Variants in MAP3K13 observed in about 807,000 individuals in gnomAD.
MAP3K13 encodes the protein mitogen-activated protein kinase kinase kinase 13.
In MAP3K13, 52 loss-of-function variants were observed where a neutral mutation model predicts 104.0. The observed-to-expected ratio is 0.50, with a 90% CI of 0.40 to 0.63. The LOEUF (loss-of-function observed/expected upper bound fraction) is 0.63, where lower values mean the gene tolerates loss of function less well. Among genes scored for constraint, MAP3K13 ranks in the 20% least tolerant of loss-of-function variants. The pLI, the probability that MAP3K13 is intolerant of heterozygous loss-of-function variation, is 0.00. For synonymous variants in MAP3K13, 394 were observed against 442.2 expected (o/e 0.89, Z 1.37); for missense variants, 914 against 1,218.5 (o/e 0.75, Z 3.72).
chr3:185,380,954 T>G (rs1577487069), intron 1 of MAP3K13, among the ~76,000 whole-genome samples: 2 of 150,360 alleles, frequency 1.3e-5, no homozygotes, highest in Non-Finnish European at 3.0e-5. Context: ...TTTTGTTTTT[T>G]TTTTGTTTTT....
At chr3:185,443,061 G>A (rs1268983812) in intron 3 of MAP3K13, among the ~76,000 whole-genome samples, 2 of 152,178 alleles carry the variant, frequency 1.3e-5, no homozygotes, top group South Asian at 4.2e-4. Context: ...GGCTGGTCTT[G>A]AACTCCTGAC....
At chr3:185,475,628 GA>G (rs34619526) in intron 11 of MAP3K13, among the ~76,000 whole-genome samples, 16,108 of 152,122 alleles carry the variant, frequency 0.11, 1,194 homozygotes, top group East Asian at 0.39. Flanking sequence ...AAGGCGGGTG[GA>G]ACACCTGAGG....
intron 2 of MAP3K13, among the ~76,000 whole-genome samples, chr3:185,430,543 C>T (rs1714683688): frequency 6.6e-6 from 1 of 152,110 alleles, no homozygotes; most frequent in African/African-American, 2.4e-5. Flanking sequence ...TAAGTGAGAA[C>T]ATGTGATATT....
intron 1 of MAP3K13, among the ~76,000 whole-genome samples, chr3:185,410,005 G>A (rs9868306): frequency 0.58 from 88,359 of 151,852 alleles, 26,762 homozygotes; most frequent in Non-Finnish European, 0.68. Flanking sequence ...CTCATAAGGC[G>A]CGCACAACCT....
chr3:185,455,409 TATGA>T (rs1716489624), intron 7 of MAP3K13, among the ~76,000 whole-genome samples: 2 of 90,190 alleles, frequency 2.2e-5, no homozygotes, highest in African/African-American at 3.8e-5. Flanking sequence ...GAGATATATA[TATGA>T]GATATATATG....
At chr3:185,453,280 G>C (rs1486585556) in intron 7 of MAP3K13, among the ~76,000 whole-genome samples, 1 of 152,050 alleles carries the variant, frequency 6.6e-6, no homozygotes. Context: ...TAATGTTATT[G>C]TGCTTCAGAA....
chr3:185,467,553 G>A (rs1717519241), intron 10 of MAP3K13, among the ~76,000 whole-genome samples: 1 of 152,140 alleles, frequency 6.6e-6, no homozygotes, highest in African/African-American at 2.4e-5. Context: ...GGGAGGCCGA[G>A]GTGGGTGGAT....
chr3:185,458,990 T>G (rs1716936015), intron 7 of MAP3K13, among the ~76,000 whole-genome samples: 1 of 152,194 alleles, frequency 6.6e-6, no homozygotes, highest in African/African-American at 2.4e-5. Flanking sequence ...ACATGAGTCT[T>G]TAGAAAACAC....
intron 1 of MAP3K13, among the ~76,000 whole-genome samples, chr3:185,407,745 C>T (rs887129694): frequency 1.3e-5 from 2 of 152,020 alleles, no homozygotes; most frequent in African/African-American, 4.8e-5. Flanking sequence ...CACCTGGCCC[C>T]TATTATTTGG....
chr3:185,361,700 G>T (rs1248207703), upstream of MAP3K13, among the ~76,000 whole-genome samples: 1 of 152,192 alleles, frequency 6.6e-6, no homozygotes, highest in Non-Finnish European at 1.5e-5. Context: ...ACCGTGCCTT[G>T]CATGTTCGTT....
At chr3:185,316,127 A>G (rs757407903) in intron 2 of MAP3K13, among the ~76,000 whole-genome samples, 95 of 152,218 alleles carry the variant, frequency 6.2e-4, no homozygotes, top group Non-Finnish European at 1.2e-3. Flanking sequence ...TTTGGTTACA[A>G]ATATATTTGA....
At chr3:185,338,521 A>T (rs1174745738) in intron 2 of MAP3K13, among the ~76,000 whole-genome samples, 1 of 152,206 alleles carries the variant, frequency 6.6e-6, no homozygotes, top group Non-Finnish European at 1.5e-5. Context: ...GGAAATTACT[A>T]ACATATAAGT....
chr3:185,436,187 T>C (rs983518554), intron 2 of MAP3K13, among the ~76,000 whole-genome samples: 1 of 152,208 alleles, frequency 6.6e-6, no homozygotes, highest in African/African-American at 2.4e-5. Context: ...TTATTCATTA[T>C]AAAAGTGATA....
At chr3:185,380,509 CAA>C (rs564011110) in intron 1 of MAP3K13, among the ~76,000 whole-genome samples, 68 of 85,600 alleles carry the variant, frequency 7.9e-4, no homozygotes, top group South Asian at 4.1e-3. Context: ...GACTCCATCT[CAA>C]AAAAAAAAAA....
At chr3:185,455,243 T>TG in intron 7 of MAP3K13, among the ~76,000 whole-genome samples, 1 of 59,366 alleles carries the variant, frequency 1.7e-5, no homozygotes, top group African/African-American at 4.4e-5. Context: ...GAGATATATA[T>TG]ATGATATATA....
At chr3:185,398,354 A>G (rs539975314) in intron 1 of MAP3K13, among the ~76,000 whole-genome samples, 1 of 152,286 alleles carries the variant, frequency 6.6e-6, no homozygotes, top group Non-Finnish European at 1.5e-5. Context: ...AAAATTTCAA[A>G]CTTTTGATCT....
chr3:185,287,817 C>T (rs1720581427), intron 2 of MAP3K13, among the ~76,000 whole-genome samples: 1 of 152,092 alleles, frequency 6.6e-6, no homozygotes, highest in Non-Finnish European at 1.5e-5. Flanking sequence ...AGGCAAATCA[C>T]CTGAGGTCGG....
chr3:185,361,529 T>C (rs1406275665), upstream of MAP3K13, among the ~76,000 whole-genome samples: 2 of 151,918 alleles, frequency 1.3e-5, no homozygotes, highest in African/African-American at 4.8e-5. Context: ...GCCTCCCGAG[T>C]AGCTGGGGCT....
chr3:185,391,677 A>G (rs900108388), intron 1 of MAP3K13, among the ~76,000 whole-genome samples: 5 of 152,208 alleles, frequency 3.3e-5, no homozygotes, highest in Non-Finnish European at 5.9e-5. Context: ...GCTGGAATCC[A>G]TCATATCTAC....
Sources: gnomAD v4.1 joint callset for allele counts (sites outside exome capture counted in the v4.1 genomes callset) on GRCh38, gnomAD v4.1.1 for gene constraint, MANE v1.5 for transcripts, NCBI Gene and HGNC (gene_info 2026-07-23, HGNC 2026-07-21) for gene names.